Variants in KCNMB1 observed in about 807,000 individuals in gnomAD.
KCNMB1 encodes potassium calcium-activated channel subfamily M regulatory beta subunit 1.
A neutral mutation model predicts 21.7 loss-of-function variants in KCNMB1; 22 were observed. That is an observed-to-expected ratio of 1.01 (90% CI 0.72 to 1.45). KCNMB1 has a LOEUF of 1.45. KCNMB1 is among the 40% of genes most tolerant of loss of function. The pLI is 0.00. For synonymous variants in KCNMB1, 114 were observed against 107.6 expected (o/e 1.06, Z -0.37); for missense variants, 243 against 243.4 (o/e 1.00, Z 0.01).
rs1269894917 is a variant in KCNMB1, at chr5:170,375,219, A to G, written c.*3485T>C. 6.6e-6 allele frequency: 1 copy of G among 152,252 alleles called. No individual in the cohort carries two copies. The highest frequency in any genetic ancestry group is 1.5e-5 in the Non-Finnish European group (1 of 68,058). 9.4% of individuals were successfully genotyped at this position (152,252 alleles called of 1,614,324 possible). A position where few individuals can be genotyped will look rare whatever the true frequency, so the allele number is the denominator to read the frequency against. ...CTAATGTCCCCAATGGTAATATTTAATATTTTGCAAAACTATAGTACAATA... is the reference window on the plus strand; with the variant it reads ...CTAATGTCCCCAATGGTAATATTTAGTATTTTGCAAAACTATAGTACAATA... On this transcript the variant is annotated 3_prime_UTR_variant, in exon 4 of 4. Coordinates refer to ENST00000274629, the MANE Select transcript of KCNMB1 (RefSeq NM_004137.4).
In KCNMB1 at chr5:170,383,590, T is replaced by C. The variant is rs1373731481; in HGVS notation, c.306+89A>G. The C allele has an allele frequency of 2.1e-6, 3 of 1,454,548 alleles. No homozygotes were observed. In the South Asian group the frequency reaches 3.5e-5, roughly 17 times the overall value. The allele number at this position is 1,454,548 out of a possible 1,614,324, so 90.1% of individuals were successfully genotyped here. Reference sequence around the variant, plus strand: ...AGACCTGGTCAAGTGGGTTGATCTTTCTCAGCCTCGGGGACAGGGACAGTT... The same window carrying C: ...AGACCTGGTCAAGTGGGTTGATCTTCCTCAGCCTCGGGGACAGGGACAGTT... On this transcript the variant is annotated intron_variant, in intron 3 of 3. Transcript: ENST00000274629.
intron 3 of KCNMB1, among the ~76,000 whole-genome samples, chr5:170,381,954 G>C (rs1455200591): frequency 1.3e-5 from 2 of 152,092 alleles, no homozygotes; most frequent in Non-Finnish European, 1.5e-5. Context: ...CAGAACACCT[G>C]ACCATCCTGC....
chr5:170,387,092 G>A (rs1222151475), intron 1 of KCNMB1, among the ~76,000 whole-genome samples: 1 of 152,060 alleles, frequency 6.6e-6, no homozygotes, highest in African/African-American at 2.4e-5. Context: ...AAATTTATTT[G>A]CTGTTGTTTT....
chr5:170,384,838 T>A (rs1764400032), intron 2 of KCNMB1, among the ~76,000 whole-genome samples: 2 of 152,166 alleles, frequency 1.3e-5, no homozygotes, highest in Admixed American at 1.3e-4. Flanking sequence ...TGCAGACACA[T>A]CAGAAAACCT....
chr5:170,378,574 G>C lies in KCNMB1; in HGVS notation c.*130C>G, dbSNP rs1166146112. On this transcript the variant is annotated 3_prime_UTR_variant, in exon 4 of 4. Coordinates refer to ENST00000274629, the MANE Select transcript of KCNMB1 (RefSeq NM_004137.4). ...CTCAAAGGTTAGTCCTGCAACAGAA[G>C]ACAGCGTGGATTGGACTGGAAGAGT... 1.0e-6 allele frequency: 1 copy of C among 969,118 alleles called. No individual in the cohort carries two copies. Among genetic ancestry groups the C allele is most frequent in the African/African-American group, 1.6e-5 (1 of 61,184 alleles). 60.0% of individuals were successfully genotyped at this position (969,118 alleles called of 1,614,324 possible). A position where few individuals can be genotyped will look rare whatever the true frequency, so the allele number is the denominator to read the frequency against.
Position 170,385,350 on chromosome 5 carries a change from A to T in KCNMB1, c.98T>A (p.Ile33Asn), listed in dbSNP as rs754427970. ...MVVCAVITYYILVTTVLPLYQ... is the reference protein window; with the variant it reads ...MVVCAVITYYNLVTTVLPLYQ... ...GAGGGGCAGCACAGTCGTGACCAGG[A>T]TGTAGTAGGTGATGACGGCACACAC... Residue 33 changes from isoleucine to asparagine, a missense_variant, in exon 2 of 4, where the codon ATC becomes AAC. Physicochemically the swap from Ile to Asn is moderately radical, Grantham distance 149 (BLOSUM62 -3). Transcript: ENST00000274629. The T allele has an allele frequency of 6.2e-7, 1 of 1,613,930 alleles. No homozygotes were observed. The highest frequency in any genetic ancestry group is 8.5e-7 in the Non-Finnish European group (1 of 1,180,016).
chr5:170,380,736 C>G (rs1764205873), intron 3 of KCNMB1, among the ~76,000 whole-genome samples: 1 of 152,236 alleles, frequency 6.6e-6, no homozygotes, highest in Non-Finnish European at 1.5e-5. Context: ...TGGCCTGAGT[C>G]TCTCCAATGC....
At chr5:170,380,456 G>T (rs538274185) in intron 3 of KCNMB1, among the ~76,000 whole-genome samples, 1 of 152,176 alleles carries the variant, frequency 6.6e-6, no homozygotes, top group Non-Finnish European at 1.5e-5. Flanking sequence ...TGCAGGCCTC[G>T]GCCACTCCCT....
In KCNMB1 at chr5:170,383,696, G is replaced by A. The variant is rs759272252; in HGVS notation, c.289C>T (p.Arg97Trp). The change falls in exon 3 of 4, where the codon CGG becomes TGG. Residue 97 changes from arginine to tryptophan, a missense_variant. Coordinates refer to ENST00000274629, the MANE Select transcript of KCNMB1 (RefSeq NM_004137.4). The stretch of plus-strand genomic sequence containing the variant: ...TTCAGTACCTGCTGGTTCTGGTCCC[G>A]AGTGTCCTCCGTGTGGTACAGCACA... ...WAVLYHTEDTRDQNQQCSYIP... is the reference protein window; with the variant it reads ...WAVLYHTEDTWDQNQQCSYIP... 7.4e-6 allele frequency: 12 copies of A among 1,613,972 alleles called. No individual in the cohort carries two copies. The highest frequency in any genetic ancestry group is 6.7e-5 in the East Asian group (3 of 44,882).
chr5:170,387,768 T>G (rs1467355241), intron 1 of KCNMB1, among the ~76,000 whole-genome samples: 2 of 152,254 alleles, frequency 1.3e-5, no homozygotes, highest in African/African-American at 4.8e-5. Context: ...ACTCTCCATG[T>G]ATTCACAGGT....
chr5:170,385,195 T>C, intron 2 of KCNMB1, 119 bp downstream of exon 2: 1 of 1,119,084 alleles, frequency 8.9e-7, no homozygotes, highest in South Asian at 1.4e-5. Context: ...AGCATCGTCT[T>C]GACCCTGCTG....
At position 170,377,022 on chromosome 5, in the gene KCNMB1, G is replaced by A. The variant is rs1197787482; in HGVS notation, c.*1682C>T. The A allele has an allele frequency of 1.3e-5, 2 of 152,156 alleles. No individual in the cohort carries two copies. The highest frequency in any genetic ancestry group is 2.9e-5 in the Non-Finnish European group (2 of 68,024). 9.4% of individuals were successfully genotyped at this position (152,156 alleles called of 1,614,324 possible). ...AGATGAAAAAACTAAGAATCAAAGAGATGAAATCGGGCAGAGTAGAGACAG... is the reference window on the plus strand; with the variant it reads ...AGATGAAAAAACTAAGAATCAAAGAAATGAAATCGGGCAGAGTAGAGACAG... On this transcript the variant is annotated 3_prime_UTR_variant, in exon 4 of 4. Coordinates refer to ENST00000274629, the MANE Select transcript of KCNMB1 (RefSeq NM_004137.4).
rs1011289587 is a variant in KCNMB1, at chr5:170,378,598, G to A, written c.*106C>T. 8 of 1,185,706 alleles carry A rather than the reference G, an allele frequency of 6.7e-6. No individual in the cohort carries two copies. The African/African-American group carries it at 9.2e-5, about 14-fold the overall frequency. 73.4% of individuals were successfully genotyped at this position (1,185,706 alleles called of 1,614,324 possible). A position where few individuals can be genotyped will look rare whatever the true frequency, so the allele number is the denominator to read the frequency against. On this transcript the variant is annotated 3_prime_UTR_variant, in exon 4 of 4. Transcript: ENST00000274629. ...AGACAGCGTGGATTGGACTGGAAGA[G>A]TGGGAGGGCAGGTGGAGAAGGCATT...
intron 3 of KCNMB1, among the ~76,000 whole-genome samples, chr5:170,380,559 C>A (rs1182638563): frequency 1.3e-5 from 2 of 152,340 alleles, no homozygotes; most frequent in South Asian, 2.1e-4. Flanking sequence ...TTCTCACAGC[C>A]TGGGAAATGC....
chr5:170,379,191 G>A (rs1298436277), intron 3 of KCNMB1, among the ~76,000 whole-genome samples: 1 of 151,514 alleles, frequency 6.6e-6, no homozygotes, highest in Non-Finnish European at 1.5e-5. Context: ...AGCTGCTCGG[G>A]GTACAGGCTA....
intron 1 of KCNMB1, among the ~76,000 whole-genome samples, chr5:170,386,840 T>C (rs314111): frequency 0.12 from 18,233 of 151,966 alleles, 1,271 homozygotes; most frequent in East Asian, 0.21. Flanking sequence ...TTGCTTTCCT[T>C]CTCTCCTCTT....
At chr5:170,380,154 A>T (rs377578634) in intron 3 of KCNMB1, among the ~76,000 whole-genome samples, 3 of 152,300 alleles carry the variant, frequency 2.0e-5, no homozygotes, top group African/African-American at 2.4e-5. Flanking sequence ...TGTTATTAGG[A>T]ACTTTCTGCC....
At chr5:170,385,260 T>C in intron 2 of KCNMB1, 54 bp downstream of exon 2, 1 of 1,602,022 alleles carries the variant, frequency 6.2e-7, no homozygotes, top group Non-Finnish European at 8.5e-7. Context: ...TCCTTACAGA[T>C]GCCAGACCCT....
chr5:170,378,685 A>G lies in KCNMB1; in HGVS notation c.*19T>C, dbSNP rs766849311. 6.3e-7 allele frequency: 1 copy of G among 1,589,518 alleles called. No individual in the cohort carries two copies. The highest frequency in any genetic ancestry group is 8.6e-7 in the Non-Finnish European group (1 of 1,168,268). On this transcript the variant is annotated 3_prime_UTR_variant, in exon 4 of 4. Transcript: ENST00000274629. ...AGTCCCCTGTGCCCTGACAAGTGGTATGGCATGGATGGATGGCTCTACTTC... is the reference window on the plus strand; with the variant it reads ...AGTCCCCTGTGCCCTGACAAGTGGTGTGGCATGGATGGATGGCTCTACTTC...
Sources: gnomAD v4.1 joint callset for allele counts (sites outside exome capture counted in the v4.1 genomes callset) on GRCh38, gnomAD v4.1.1 for gene constraint, MANE v1.5 for transcripts, NCBI Gene and HGNC (gene_info 2026-07-23, HGNC 2026-07-21) for gene names.